The following ROBO2 variants were observed in gnomAD, a reference collection of about 807,000 sequenced individuals.
The protein encoded by ROBO2 is roundabout homolog 2.
A neutral mutation model predicts 160.8 loss-of-function variants in ROBO2; 53 were observed. The ratio of observed to expected loss-of-function variants is 0.33; its 90% CI spans 0.26 to 0.41. ROBO2 has a LOEUF of 0.41. Among genes scored for constraint, ROBO2 ranks in the 10% least tolerant of loss-of-function variants. The pLI, the probability that ROBO2 is intolerant of heterozygous loss-of-function variation, is 1.00. For missense variants in ROBO2, 1,577 were observed against 1,722.4 expected, an observed-to-expected ratio of 0.92 and a Z score of 1.49; for synonymous variants, 664 against 611.7, an observed-to-expected ratio of 1.09 and a Z score of -1.26.
chr3:76,166,116 A>G (rs1440993357), intron 2 of ROBO2, among the ~76,000 whole-genome samples: 1 of 152,330 alleles, frequency 6.6e-6, no homozygotes, highest in East Asian at 1.9e-4. Flanking sequence ...GAAAAAAAAT[A>G]GAGCCAATAG....
chr3:77,623,863 A>T (rs1362752250), intron 23 of ROBO2, among the ~76,000 whole-genome samples: 1 of 152,224 alleles, frequency 6.6e-6, no homozygotes, highest in East Asian at 1.9e-4. Flanking sequence ...AGTCAGCTAT[A>T]GTCTGTGTAG....
At chr3:76,673,615 C>G (rs264537) in intron 2 of ROBO2, among the ~76,000 whole-genome samples, 69,844 of 151,856 alleles carry the variant, frequency 0.46, 16,459 homozygotes, top group African/African-American at 0.55. Flanking sequence ...AACAATTATG[C>G]GTCAACTATC....
At position 76,922,756 on chromosome 3, in the gene ROBO2, T is replaced by C. The variant is rs532689161; in HGVS notation, c.110-175258T>C. ...TCTCCCAGCCGCCGATTGTGATGGA[T>C]TGGCTCTGGGCCAGGGGCCTTCCAG... On this transcript the variant is annotated intron_variant, in intron 2 of 26. Transcript: ENST00000487694. Among the ~76,000 whole-genome samples the C allele has an allele frequency of 1.1e-4, 17 of 152,326 alleles. No individual in the cohort carries two copies. The South Asian group carries it at 3.3e-3, about 30-fold the overall frequency.
At chr3:76,818,868 T>A (rs1169265070) in intron 2 of ROBO2, among the ~76,000 whole-genome samples, 1 of 152,094 alleles carries the variant, frequency 6.6e-6, no homozygotes, top group Non-Finnish European at 1.5e-5. Flanking sequence ...GGCCTTACAG[T>A]ATTGTTTGAA....
chr3:77,595,548 C>T (rs554462167), intron 18 of ROBO2, among the ~76,000 whole-genome samples: 63 of 152,224 alleles, frequency 4.1e-4, no homozygotes, highest in Middle Eastern at 3.4e-3. Context: ...TACACATAAT[C>T]GATCACAAAG....
At chr3:77,489,941 G>A (rs2085859755) in intron 4 of ROBO2, among the ~76,000 whole-genome samples, 1 of 152,032 alleles carries the variant, frequency 6.6e-6, no homozygotes, top group Admixed American at 6.5e-5. Context: ...ATCAATTATC[G>A]AAGCCACTGT....
At chr3:76,176,341 A>G (rs533942515) in intron 2 of ROBO2, among the ~76,000 whole-genome samples, 15 of 151,402 alleles carry the variant, frequency 9.9e-5, no homozygotes, top group South Asian at 2.1e-4. Context: ...TGCAGAAAAC[A>G]TATTTTTGAA....
intron 2 of ROBO2, among the ~76,000 whole-genome samples, chr3:77,454,829 TA>T (rs557302745): frequency 1.1e-3 from 169 of 152,334 alleles, no homozygotes; most frequent in African/African-American, 3.7e-3. Context: ...GAGGTTGACA[TA>T]ATGCTAAGAT....
intron 1 of ROBO2, among the ~76,000 whole-genome samples, chr3:77,064,131 T>C (rs987703066): frequency 1.3e-5 from 2 of 152,214 alleles, no homozygotes; most frequent in Admixed American, 6.6e-5. Flanking sequence ...TTTTCACTTA[T>C]TATGCTTTTT....
chr3:76,116,310 AT>A (rs1364442535), intron 2 of ROBO2, among the ~76,000 whole-genome samples: 3 of 152,168 alleles, frequency 2.0e-5, no homozygotes, highest in African/African-American at 7.2e-5. Flanking sequence ...TCGAGCTTCA[AT>A]TAAGTATTCT....
At position 77,394,496 on chromosome 3, in the gene ROBO2, G is replaced by A. The variant is rs149117030; in HGVS notation, c.389-82918G>A. On this transcript the variant is annotated intron_variant, in intron 2 of 25. Coordinates refer to ENST00000461745, the Ensembl canonical transcript of ROBO2. ...TTCTATACTGACTGTTAAGAAGAAA[G>A]CAGAGCCAGTATCACAGTTCCTTGT... Among the ~76,000 whole-genome samples, 584 of 152,218 alleles carry A rather than the reference G, an allele frequency of 3.8e-3. 6 individuals are homozygous for A. Among genetic ancestry groups the A allele is most frequent in the African/African-American group, 0.014 (564 of 41,538 alleles).
At chr3:77,487,031 T>C (rs1308165117) in intron 4 of ROBO2, among the ~76,000 whole-genome samples, 1 of 152,196 alleles carries the variant, frequency 6.6e-6, no homozygotes, top group Non-Finnish European at 1.5e-5. Context: ...TTGGGGAAGA[T>C]GAGGACAGAG....
intron 14 of ROBO2, among the ~76,000 whole-genome samples, chr3:77,576,549 A>G (rs559096707): frequency 1.3e-5 from 2 of 152,198 alleles, no homozygotes; most frequent in African/African-American, 4.8e-5. Context: ...GAATAGATGA[A>G]TTTTTCCACA....
At position 76,942,870 on chromosome 3, in the gene ROBO2, AC is replaced by A. The variant is rs148575225; in HGVS notation, c.110-155143del. Among the ~76,000 whole-genome samples the A allele has an allele frequency of 1.9e-3, 291 of 152,240 alleles. 2 individuals are homozygous for A. Among genetic ancestry groups the A allele is most frequent in the African/African-American group, 6.0e-3 (250 of 41,540 alleles). The stretch of plus-strand genomic sequence containing the variant: ...ATTTTCCAACTCCTAACTGAAAAAA[AC>A]AATAATATTATTGAATACTATGTTA... On this transcript the variant is annotated intron_variant, in intron 2 of 26. Coordinates refer to the ROBO2 transcript ENST00000487694.
At chr3:76,928,216 A>T (rs1369456605) in intron 2 of ROBO2, among the ~76,000 whole-genome samples, 1 of 152,152 alleles carries the variant, frequency 6.6e-6, no homozygotes, top group Admixed American at 6.6e-5. Context: ...AGACAAAGAG[A>T]GCCATGAGCC....
chr3:77,600,033 C>T (rs2094400767), intron 19 of ROBO2, among the ~76,000 whole-genome samples: 2 of 152,172 alleles, frequency 1.3e-5, no homozygotes, highest in African/African-American at 4.8e-5. Flanking sequence ...GTAGAGGAAG[C>T]ATTTCCATAA....
At chr3:77,649,098 T>C (rs1056227693) in exon 26 of ROBO2, 5 of 152,002 alleles carry the variant, frequency 3.3e-5, no homozygotes, top group Non-Finnish European at 7.4e-5. Context: ...TAAAATAAGA[T>C]GGGATAGTAC....
chr3:77,266,188 CTTTT>C (rs879905756), intron 2 of ROBO2, among the ~76,000 whole-genome samples: 6 of 144,990 alleles, frequency 4.1e-5, no homozygotes, highest in African/African-American at 1.5e-4. Context: ...TTTATTTCTA[CTTTT>C]TTTTTTTTTA....
intron 2 of ROBO2, among the ~76,000 whole-genome samples, chr3:76,801,679 A>G (rs2064210123): frequency 6.6e-6 from 1 of 152,150 alleles, no homozygotes; most frequent in South Asian, 2.1e-4. Flanking sequence ...CTTTCTTATC[A>G]CTTGCGTATT....
Sources: gnomAD v4.1 joint callset for allele counts (sites outside exome capture counted in the v4.1 genomes callset) on GRCh38, gnomAD v4.1.1 for gene constraint, MANE v1.5 for transcripts, NCBI Gene and HGNC (gene_info 2026-07-23, HGNC 2026-07-21) for gene names.